Variants in CERS5 observed in about 807,000 individuals in gnomAD.
CERS5 encodes the protein ceramide synthase 5, also known as LAG1 homolog, ceramide synthase 5.
In CERS5, 37 loss-of-function variants were observed where a neutral mutation model predicts 58.9. That is an observed-to-expected ratio of 0.63 (90% CI 0.48 to 0.83). CERS5 has a LOEUF of 0.83. Ranked by LOEUF, CERS5 falls within the 40% of genes least tolerant of loss-of-function variation. The probability of loss-of-function intolerance (pLI) is 0.00; values close to 1 mark genes in which losing one functional copy is unlikely to be tolerated. For synonymous variants in CERS5, 147 were observed against 177.8 expected (o/e 0.83, Z 1.38); for missense variants, 398 against 489.3 (o/e 0.81, Z 1.76).
chr12:50,136,296 A>C (rs1457695222), intron 6 of CERS5, among the ~76,000 whole-genome samples: 1 of 152,094 alleles, frequency 6.6e-6, no homozygotes, highest in Non-Finnish European at 1.5e-5. Flanking sequence ...AACATGGGGA[A>C]GCCCCGTCTC....
At chr12:50,138,405 G>GGA (rs544439223) in intron 5 of CERS5, among the ~76,000 whole-genome samples, 162 bp downstream of exon 5, 32 of 147,092 alleles carry the variant, frequency 2.2e-4, no homozygotes, top group East Asian at 4.0e-4. Context: ...CAGTGGGGGG[G>GGA]AAAAAAAAAT....
At chr12:50,135,457 C>A (rs555654082) in intron 8 of CERS5, 3 of 655,586 alleles carry the variant, frequency 4.6e-6, no homozygotes, top group South Asian at 4.5e-5. Context: ...AGGACTGTTC[C>A]TCAGAGATGA....
intron 1 of CERS5, among the ~76,000 whole-genome samples, chr12:50,147,172 G>A (rs1316895502): frequency 2.0e-5 from 3 of 151,992 alleles, no homozygotes; most frequent in Admixed American, 2.0e-4. Flanking sequence ...GGGAGGCTGA[G>A]GCGGGCGGAT....
chr12:50,151,458 T>C (rs1937949844), intron 1 of CERS5, among the ~76,000 whole-genome samples: 1 of 152,176 alleles, frequency 6.6e-6, no homozygotes, highest in Non-Finnish European at 1.5e-5. Flanking sequence ...CCTAGTCTTC[T>C]CCCTCTACCT....
intron 1 of CERS5, among the ~76,000 whole-genome samples, chr12:50,159,625 G>A (rs185423315): frequency 5.9e-5 from 9 of 151,890 alleles, no homozygotes; most frequent in Non-Finnish European, 7.4e-5. Flanking sequence ...ACAGGGTCTC[G>A]CTCTGTTGCC....
At chr12:50,157,438 T>C (rs1938784063) in intron 1 of CERS5, among the ~76,000 whole-genome samples, 1 of 150,500 alleles carries the variant, frequency 6.6e-6, no homozygotes, top group Admixed American at 6.7e-5. Flanking sequence ...GGTTTCAGAG[T>C]GATTCATTCA....
chr12:50,147,263 C>G (rs1330189858), intron 1 of CERS5: 1 of 151,850 alleles, frequency 6.6e-6, no homozygotes, highest in African/African-American at 2.4e-5. Context: ...GTTAGACAGG[C>G]GTGGTGGTGT....
chr12:50,139,557 G>A (rs1236979817), intron 4 of CERS5, among the ~76,000 whole-genome samples: 1 of 152,130 alleles, frequency 6.6e-6, no homozygotes, highest in Non-Finnish European at 1.5e-5. Context: ...ACTTTGGGAG[G>A]TCGAGGTGGG....
chr12:50,146,839 T>G (rs1397474696), intron 1 of CERS5, among the ~76,000 whole-genome samples: 1 of 101,992 alleles, frequency 9.8e-6, no homozygotes, highest in Non-Finnish European at 1.8e-5. Flanking sequence ...AAAGTGAGAC[T>G]CCGTCTCAAA....
At chr12:50,133,037 A>G (rs1233106612) in intron 9 of CERS5, 1 of 1,288,982 alleles carries the variant, frequency 7.8e-7, no homozygotes, top group Non-Finnish European at 1.0e-6. Flanking sequence ...TGGAGAGTAC[A>G]GGGTCTAATC....
rs1427017857 is a variant in CERS5 at position 50,143,291 on chromosome 12, A to C, written c.304-87T>G. On this transcript the variant is annotated intron_variant, in intron 2 of 9. Coordinates refer to ENST00000317551, the MANE Select transcript of CERS5 (RefSeq NM_147190.5). ...GACTAGCTGAGCGACAAGGTATGAT[A>C]GCCATAAGTGGCTCAAGTGATGTTT... is the stretch of plus-strand genomic sequence containing the variant. The C allele has an allele frequency of 3.4e-6, 5 of 1,480,672 alleles. No individual in the cohort carries two copies. In the Admixed American group the frequency reaches 1.0e-4, roughly 30 times the overall value. The allele number at this position is 1,480,672 out of a possible 1,614,324, so 91.7% of individuals were successfully genotyped here. A position where few individuals can be genotyped will look rare whatever the true frequency, so the allele number is the denominator to read the frequency against.
At chr12:50,134,792 G>A in intron 8 of CERS5, 90 bp from the exon 9 acceptor site, 1 of 1,226,688 alleles carries the variant, frequency 8.2e-7, no homozygotes, top group Non-Finnish European at 1.1e-6. Context: ...AGCCCTGTGT[G>A]TTTTCCTACC....
At chr12:50,138,350 A>G (rs531158335) in intron 5 of CERS5, among the ~76,000 whole-genome samples, 1 of 151,510 alleles carries the variant, frequency 6.6e-6, no homozygotes, top group African/African-American at 2.4e-5. Flanking sequence ...ATTGGATTTC[A>G]TTGCTATGGG....
At chr12:50,158,429 A>G (rs1938901809) in intron 1 of CERS5, among the ~76,000 whole-genome samples, 1 of 152,178 alleles carries the variant, frequency 6.6e-6, no homozygotes, top group South Asian at 2.1e-4. Context: ...TTCTTGTCCA[A>G]CTTCTAAAAC....
chr12:50,140,530 C>T (rs1298451066), intron 4 of CERS5, among the ~76,000 whole-genome samples: 1 of 152,078 alleles, frequency 6.6e-6, no homozygotes, highest in African/African-American at 2.4e-5. Flanking sequence ...GGCAACCTGC[C>T]TGCCTCAGCC....
In CERS5 at chr12:50,167,354, C is replaced by G; in HGVS notation, c.-57G>C. 4.1e-6 allele frequency: 6 copies of G among 1,447,946 alleles called. No individual in the cohort carries two copies. The highest frequency in any genetic ancestry group is 5.4e-6 in the Non-Finnish European group (6 of 1,110,446). 89.7% of individuals were successfully genotyped at this position (1,447,946 alleles called of 1,614,324 possible). A position where few individuals can be genotyped will look rare whatever the true frequency, so the allele number is the denominator to read the frequency against. On this transcript the variant is annotated 5_prime_UTR_variant, in exon 1 of 10. Coordinates refer to ENST00000317551, the MANE Select transcript of CERS5 (RefSeq NM_147190.5). ...AAGCGTCAGCTGCCGCCACAGCCAA[C>G]GGAACCCGCGGGGAGGCGGCCCCAG...
intron 8 of CERS5, among the ~76,000 whole-genome samples, chr12:50,135,105 A>AGAGG (rs1305274209): frequency 3.3e-5 from 4 of 121,412 alleles, no homozygotes; most frequent in Admixed American, 1.9e-4. Context: ...GAGAGAGAGG[A>AGAGG]GAGGGAGGGA....
intron 2 of CERS5, chr12:50,143,584 A>G (rs1952099535): frequency 4.1e-6 from 1 of 246,324 alleles, no homozygotes; most frequent in Admixed American, 5.1e-5. Flanking sequence ...TTGTCTCTCC[A>G]AAAAACAAAA....
chr12:50,133,564 A>G, intron 9 of CERS5: 1 of 987,012 alleles, frequency 1.0e-6, no homozygotes, highest in African/African-American at 1.7e-5. Context: ...CTGCTTTTAT[A>G]CAGTTTATAT....
Sources: gnomAD v4.1 joint callset for allele counts (sites outside exome capture counted in the v4.1 genomes callset) on GRCh38, gnomAD v4.1.1 for gene constraint, MANE v1.5 for transcripts, NCBI Gene and HGNC (gene_info 2026-07-23, HGNC 2026-07-21) for gene names.